Variants in LRAT observed in about 807,000 individuals in gnomAD.
LRAT encodes the protein lecithin retinol acyltransferase (phosphatidylcholine--retinol O-acyltransferase).
LRAT carries 11 observed loss-of-function variants against 14.2 expected under a neutral mutation model. The observed-to-expected ratio is 0.78, with a 90% CI of 0.49 to 1.29. The LOEUF (loss-of-function observed/expected upper bound fraction) is 1.29. Among genes scored for constraint, LRAT ranks in the 50% most tolerant of loss-of-function variants. LRAT has a pLI of 0.00. For synonymous variants in LRAT, 144 were observed against 124.8 expected, an observed-to-expected ratio of 1.15 and a Z score of -1.03; for missense variants, 274 against 292.4, an observed-to-expected ratio of 0.94 and a Z score of 0.46.
In LRAT at chr4:154,749,852, C is replaced by T. The variant is rs1026966003; in HGVS notation, c.*716C>T. ...TTCATTATTTTTTTCCTTTTATGTG[C>T]CACTGTGGCTACTTTAAATCACTCT... On this transcript the variant is annotated 3_prime_UTR_variant, in exon 3 of 3. Coordinates refer to ENST00000336356, the MANE Select transcript of LRAT (RefSeq NM_004744.5). 1.3e-5 allele frequency: 2 copies of T among 152,068 alleles called. No individual in the cohort carries two copies. Among genetic ancestry groups the T allele is most frequent in the African/African-American group, 4.8e-5 (2 of 41,382 alleles). The allele number at this position is 152,068 out of a possible 1,614,324, so 9.4% of individuals were successfully genotyped here. A position where few individuals can be genotyped will look rare whatever the true frequency, so the allele number is the denominator to read the frequency against.
rs938061830 is a variant in LRAT, at chr4:154,744,272, C to G, written c.-2+50C>G. On this transcript the variant is annotated intron_variant, in intron 1 of 2. Coordinates refer to ENST00000336356, the MANE Select transcript of LRAT (RefSeq NM_004744.5). Reference sequence around the variant, plus strand: ...CCCGGCGAGCTTAACTTGCCCAGCCCGGCCCCTGCCGGAGTGGCACCGGCA... The same window carrying G: ...CCCGGCGAGCTTAACTTGCCCAGCCGGGCCCCTGCCGGAGTGGCACCGGCA... The G allele has an allele frequency of 2.1e-5, 33 of 1,591,214 alleles. No individual in the cohort carries two copies. In the African/African-American group the frequency reaches 3.8e-4, roughly 18 times the overall value.
In LRAT at chr4:154,752,608, G is replaced by A. The variant is rs918262599; in HGVS notation, c.*3472G>A. ...TCTAAAAAAAAAAGGATCTGTATTC[G>A]TGAGAGTAGAGAGAAAGGTTGTTTA... On this transcript the variant is annotated 3_prime_UTR_variant, in exon 3 of 3. Coordinates refer to ENST00000336356, the MANE Select transcript of LRAT (RefSeq NM_004744.5). 3.3e-5 allele frequency: 5 copies of A among 152,138 alleles called. No homozygotes were observed. The highest frequency in any genetic ancestry group is 7.3e-5 in the Non-Finnish European group (5 of 68,038). 9.4% of individuals were successfully genotyped at this position (152,138 alleles called of 1,614,324 possible). A position where few individuals can be genotyped will look rare whatever the true frequency, so the allele number is the denominator to read the frequency against.
rs1578864361 is a variant in LRAT at position 154,751,199 on chromosome 4, C to A, written c.*2063C>A. 1 of 152,284 alleles carries A rather than the reference C, an allele frequency of 6.6e-6. No homozygotes were observed. Among genetic ancestry groups the A allele is most frequent in the East Asian group, 1.9e-4 (1 of 5,184 alleles). The allele number at this position is 152,284 out of a possible 1,614,324, so 9.4% of individuals were successfully genotyped here. A position where few individuals can be genotyped will look rare whatever the true frequency, so the allele number is the denominator to read the frequency against. ...AATCTGCTAGAAGGGTAAGAGAAAT[C>A]TGTATGCAGGAGGCAATGCTAGCAT... On this transcript the variant is annotated 3_prime_UTR_variant, in exon 3 of 3. Coordinates refer to ENST00000336356, the MANE Select transcript of LRAT (RefSeq NM_004744.5).
rs1287627544 is a variant in LRAT at position 154,751,752 on chromosome 4, A to AG, written c.*2616_*2617insG. 31 of 150,206 alleles carry AG rather than the reference A, an allele frequency of 2.1e-4. No individual in the cohort carries two copies. The highest frequency in any genetic ancestry group is 3.1e-3 in the Middle Eastern group (1 of 318). 9.3% of individuals were successfully genotyped at this position (150,206 alleles called of 1,614,324 possible). A position where few individuals can be genotyped will look rare whatever the true frequency, so the allele number is the denominator to read the frequency against. ...CCATCTCAAAAAAAAAAAAAAAAAA[A>AG]AAAAAAAAAAAAGAAGAAGAAACCC... On this transcript the variant is annotated 3_prime_UTR_variant, in exon 3 of 3. Transcript: ENST00000336356.
rs1733006420 is a variant in LRAT at position 154,751,982 on chromosome 4, T to C, written c.*2846T>C. 6.6e-6 allele frequency: 1 copy of C among 152,172 alleles called. No homozygotes were observed. The allele number at this position is 152,172 out of a possible 1,614,324, so 9.4% of individuals were successfully genotyped here. A position where few individuals can be genotyped will look rare whatever the true frequency, so the allele number is the denominator to read the frequency against. On this transcript the variant is annotated 3_prime_UTR_variant, in exon 3 of 3. Transcript: ENST00000336356. ...ACAGATGAAAGAAGAATAGGACTAA[T>C]TGGGGCTAAGATGAATTAATGTAAG...
rs1345142682 is a variant in LRAT, at chr4:154,749,375, T to C, written c.*239T>C. On this transcript the variant is annotated 3_prime_UTR_variant, in exon 3 of 3. Coordinates refer to ENST00000336356, the MANE Select transcript of LRAT (RefSeq NM_004744.5). ...TCCAAACCTTGGAAATACGACAGGG[T>C]GTGGTAGAATTCAGCAATATGAGAA... The C allele has an allele frequency of 1.2e-5, 6 of 501,234 alleles. No individual in the cohort carries two copies. Among genetic ancestry groups the C allele is most frequent in the African/African-American group, 1.9e-5 (1 of 51,636 alleles). 31.0% of individuals were successfully genotyped at this position (501,234 alleles called of 1,614,324 possible).
chr4:154,744,277 C>T, intron 1 of LRAT, 49 bp from the exon 2 acceptor site: 3 of 1,592,118 alleles, frequency 1.9e-6, no homozygotes, highest in Non-Finnish European at 2.6e-6. Context: ...CAGCCCGGCC[C>T]CTGCCGGAGT....
At position 154,744,922 on chromosome 4, in the gene LRAT, C is replaced by T; in HGVS notation, c.540+56C>T. ...CTCCGCGGAGATGCCCCCTCCCATC[C>T]CTGACCTTTTCTCTTCCCCGCGAGT... is the stretch of plus-strand genomic sequence containing the variant. On this transcript the variant is annotated intron_variant, in intron 2 of 2. Transcript: ENST00000336356. The T allele has an allele frequency of 4.5e-6, 7 of 1,572,492 alleles. No individual in the cohort carries two copies. In the South Asian group the frequency reaches 7.8e-5, roughly 17 times the overall value.
rs1391678750 is a variant in LRAT at position 154,751,933 on chromosome 4, T to C, written c.*2797T>C. The C allele has an allele frequency of 3.3e-5, 5 of 152,102 alleles. No individual in the cohort carries two copies. The East Asian group carries it at 7.7e-4, about 23-fold the overall frequency. 9.4% of individuals were successfully genotyped at this position (152,102 alleles called of 1,614,324 possible). ...ACCTAGTAGTGTCTGATGAAGTTTT[T>C]TCATGCTTATTTTATTCTTTGTCAC... On this transcript the variant is annotated 3_prime_UTR_variant, in exon 3 of 3. Transcript: ENST00000336356.
chr4:154,751,847 T>A lies in LRAT; in HGVS notation c.*2711T>A, dbSNP rs1733004033. 1 of 150,260 alleles carries A rather than the reference T, an allele frequency of 6.7e-6. No homozygotes were observed. The highest frequency in any genetic ancestry group is 1.5e-5 in the Non-Finnish European group (1 of 67,510). The allele number at this position is 150,260 out of a possible 1,614,324, so 9.3% of individuals were successfully genotyped here. ...TCTGGGCTTCATCCATTAAGATTCA[T>A]CCTTATGCTCCTGCAAGTTTCTTAT... On this transcript the variant is annotated 3_prime_UTR_variant, in exon 3 of 3. Transcript: ENST00000336356.
rs1287229060 is a variant in LRAT at position 154,752,257 on chromosome 4, C to T, written c.*3121C>T. The stretch of plus-strand genomic sequence containing the variant: ...CAGATTTTGGGCAGGACATTCCATG[C>T]ACTGGAAATAGCATGAACAAATGCA... On this transcript the variant is annotated 3_prime_UTR_variant, in exon 3 of 3. Transcript: ENST00000336356. 6.6e-6 allele frequency: 1 copy of T among 152,202 alleles called. No individual in the cohort carries two copies. The highest frequency in any genetic ancestry group is 2.4e-5 in the African/African-American group (1 of 41,452). The allele number at this position is 152,202 out of a possible 1,614,324, so 9.4% of individuals were successfully genotyped here. A position where few individuals can be genotyped will look rare whatever the true frequency, so the allele number is the denominator to read the frequency against.
chr4:154,748,138 C>A, intron 2 of LRAT: 1 of 745,750 alleles, frequency 1.3e-6, no homozygotes, highest in Non-Finnish European at 1.6e-6. Flanking sequence ...AGATAACTGT[C>A]AACAAATAGA....
rs1292215691 is a variant in LRAT at position 154,750,565 on chromosome 4, A to T, written c.*1429A>T. Reference sequence around the variant, plus strand: ...AATGATAATCTGAACAAATTTTAAGAGCAGATTTTAGATTAATAATGTTTT... The same window carrying T: ...AATGATAATCTGAACAAATTTTAAGTGCAGATTTTAGATTAATAATGTTTT... On this transcript the variant is annotated 3_prime_UTR_variant, in exon 3 of 3. Transcript: ENST00000336356. 1 of 152,150 alleles carries T rather than the reference A, an allele frequency of 6.6e-6. No individual in the cohort carries two copies. Among genetic ancestry groups the T allele is most frequent in the Non-Finnish European group, 1.5e-5 (1 of 67,996 alleles). 9.4% of individuals were successfully genotyped at this position (152,150 alleles called of 1,614,324 possible).
At position 154,749,191 on chromosome 4, in the gene LRAT, T is replaced by C; in HGVS notation, c.*55T>C. On this transcript the variant is annotated 3_prime_UTR_variant, in exon 3 of 3. Transcript: ENST00000336356. ...CTGTATGTAAATATGTTTATATTTATAGAGCATCAATCAATATAAGCATTA... is the reference window on the plus strand; with the variant it reads ...CTGTATGTAAATATGTTTATATTTACAGAGCATCAATCAATATAAGCATTA... The C allele has an allele frequency of 1.3e-6, 2 of 1,530,194 alleles. No homozygotes were observed. The highest frequency in any genetic ancestry group is 1.8e-6 in the Non-Finnish European group (2 of 1,104,206). The allele number at this position is 1,530,194 out of a possible 1,614,324, so 94.8% of individuals were successfully genotyped here.
intron 2 of LRAT, among the ~76,000 whole-genome samples, chr4:154,746,006 A>C (rs1732879110): frequency 6.6e-6 from 1 of 152,158 alleles, no homozygotes; most frequent in Non-Finnish European, 1.5e-5. Flanking sequence ...AGTATTTTGA[A>C]AAAATACTCA....
chr4:154,744,659 C>G lies in LRAT; in HGVS notation c.333C>G (p.Asp111Glu). 1 of 1,614,202 alleles carries G rather than the reference C, an allele frequency of 6.2e-7. No homozygotes were observed. The change falls in exon 2 of 3, where the codon GAC becomes GAG. Residue 111 changes from aspartate (D) to glutamate (E), a missense_variant. Physicochemically the swap from Asp to Glu is conservative, Grantham distance 45 (BLOSUM62 2). Coordinates refer to ENST00000336356, the MANE Select transcript of LRAT (RefSeq NM_004744.5). Reference sequence around the variant, plus strand: ...TCAAAGTGGCCAGCATCCGCGTGGACACAGTGGAGGACTTCGCCTACGGAG... The same window carrying G: ...TCAAAGTGGCCAGCATCCGCGTGGAGACAGTGGAGGACTTCGCCTACGGAG... ...VIVKVASIRV[D>E]TVEDFAYGAN...
rs70947181 is a variant in LRAT, at chr4:154,745,006, CTTTTTTTTTTT to C, written c.540+160_540+170del. 165 of 246,104 alleles carry C rather than the reference CTTTTTTTTTTT, an allele frequency of 6.7e-4. 1 individual carries two copies. The highest frequency in any genetic ancestry group is 4.4e-3 in the East Asian group (47 of 10,786). The allele number at this position is 246,104 out of a possible 1,614,324, so 15.2% of individuals were successfully genotyped here. ...TTCCATACCATCCTTTTTCTTTTTC[CTTTTTTTTTTT>C]TTTTTTTTTTTTTTTTTTTGAGACG... is the stretch of plus-strand genomic sequence containing the variant. On this transcript the variant is annotated intron_variant, in intron 2 of 2. Coordinates refer to ENST00000336356, the MANE Select transcript of LRAT (RefSeq NM_004744.5).
upstream of LRAT, among the ~76,000 whole-genome samples, chr4:154,742,947 G>A (rs1265382477): frequency 2.0e-5 from 3 of 152,200 alleles, no homozygotes; most frequent in East Asian, 5.8e-4. Flanking sequence ...CCCTGAAGCC[G>A]GAGAAATAAA....
rs764224506 is a variant in LRAT at position 154,744,539 on chromosome 4, C to T, written c.213C>T (p.Ala71=). The T allele has an allele frequency of 7.4e-6, 12 of 1,614,042 alleles. No individual in the cohort carries two copies. The highest frequency in any genetic ancestry group is 1.7e-5 in the Admixed American group (1 of 59,998). The change falls in exon 2 of 3, where the codon GCC becomes GCT. Residue 71 remains alanine (A), a synonymous_variant. Transcript: ENST00000336356. ...TCTACCTAGGAGACAACCGTGTTGC[C>T]CACATGATGCCCGACATCCTGTTGG... The part of the protein sequence containing the change: ...YGIYLGDNRV[A]HMMPDILLAL...
Sources: allele counts gnomAD v4.1 joint callset (sites outside exome capture counted in the v4.1 genomes callset), GRCh38; gene constraint gnomAD v4.1.1; transcripts MANE v1.5; gene names NCBI Gene and HGNC (gene_info 2026-07-23, HGNC 2026-07-21).